The following NCK1 variants were observed in gnomAD, a reference collection of about 807,000 sequenced individuals.
NCK1 encodes the protein SH2/SH3 adapter protein NCK1.
A neutral mutation model predicts 36.6 loss-of-function variants in NCK1; 19 were observed. The ratio of observed to expected loss-of-function variants is 0.52; its 90% CI spans 0.36 to 0.76. The LOEUF (loss-of-function observed/expected upper bound fraction) is 0.76. Among genes scored for constraint, NCK1 ranks in the 30% least tolerant of loss-of-function variants. NCK1 has a pLI of 0.00. For synonymous variants in NCK1, 165 were observed against 156.0 expected, an observed-to-expected ratio of 1.06 and a Z score of -0.43; for missense variants, 358 against 445.6, an observed-to-expected ratio of 0.80 and a Z score of 1.77.
intron 2 of NCK1, among the ~76,000 whole-genome samples, chr3:136,932,486 A>T (rs1169823217): frequency 1.3e-5 from 2 of 152,246 alleles, no homozygotes; most frequent in African/African-American, 4.8e-5. Flanking sequence ...ACAATAAAAA[A>T]TAATTTATTT....
intron 2 of NCK1, among the ~76,000 whole-genome samples, chr3:136,935,014 G>A (rs1347759239): frequency 6.6e-6 from 1 of 152,034 alleles, no homozygotes. Flanking sequence ...TGATTCTCAT[G>A]CCACAGCCAC....
chr3:136,944,408 G>A (rs771965220), intron 2 of NCK1, among the ~76,000 whole-genome samples: 3 of 152,102 alleles, frequency 2.0e-5, no homozygotes, highest in Non-Finnish European at 2.9e-5. Flanking sequence ...ATGAGCCACC[G>A]TGCCCAGCCG....
intron 1 of NCK1, chr3:136,889,247 A>C (rs543568416): frequency 4.6e-5 from 8 of 175,432 alleles, no homozygotes; most frequent in African/African-American, 1.9e-4. Flanking sequence ...CTGTGTCTGG[A>C]ATTGGTGGGT....
chr3:136,939,839 C>CTTTT (rs397991172), intron 2 of NCK1, among the ~76,000 whole-genome samples: 12 of 66,920 alleles, frequency 1.8e-4, no homozygotes, highest in Admixed American at 6.8e-4. Flanking sequence ...TTATTGAGGC[C>CTTTT]TTTTTTTTTT....
intron 1 of NCK1, chr3:136,899,896 G>T: frequency 4.8e-6 from 5 of 1,032,200 alleles, no homozygotes; most frequent in South Asian, 1.3e-5. Flanking sequence ...TTCTCTTCTA[G>T]TGGGATTTCT....
chr3:136,914,682 C>G (rs1351564618), intron 1 of NCK1, among the ~76,000 whole-genome samples: 3 of 152,116 alleles, frequency 2.0e-5, no homozygotes, highest in Non-Finnish European at 4.4e-5. Context: ...TTTTTGCGCC[C>G]TAATGTGACA....
intron 1 of NCK1, among the ~76,000 whole-genome samples, chr3:136,923,325 GC>G (rs1320939960): frequency 3.3e-5 from 5 of 152,128 alleles, no homozygotes; most frequent in African/African-American, 1.2e-4. Context: ...GGAGGCCGAG[GC>G]AGGCGGATCA....
intron 2 of NCK1, among the ~76,000 whole-genome samples, chr3:136,941,787 C>T (rs571543881): frequency 1.6e-3 from 237 of 151,508 alleles, no homozygotes; most frequent in Non-Finnish European, 2.8e-3. Context: ...TTTATTTCTT[C>T]ATATGACTTC....
intron 1 of NCK1, among the ~76,000 whole-genome samples, chr3:136,888,094 G>C (rs1389565009): frequency 1.3e-5 from 2 of 151,930 alleles, no homozygotes; most frequent in Non-Finnish European, 2.9e-5. Flanking sequence ...ACAGGCGTCT[G>C]CCAGCACGCC....
At chr3:136,868,113 A>T (rs995852779) in intron 1 of NCK1, among the ~76,000 whole-genome samples, 26 of 151,818 alleles carry the variant, frequency 1.7e-4, no homozygotes, top group Non-Finnish European at 2.8e-4. Flanking sequence ...GATGGGTTTC[A>T]CCATGTTGGC....
intron 1 of NCK1, among the ~76,000 whole-genome samples, chr3:136,916,916 C>T (rs1434944331): frequency 6.6e-6 from 1 of 152,050 alleles, no homozygotes; most frequent in Non-Finnish European, 1.5e-5. Context: ...GTGGCTACAA[C>T]CCAAGTGTGT....
At chr3:136,936,004 A>G (rs184547331) in intron 2 of NCK1, among the ~76,000 whole-genome samples, 1 of 151,016 alleles carries the variant, frequency 6.6e-6, no homozygotes, top group East Asian at 1.9e-4. Context: ...GTTGTAGCAT[A>G]TATCAGTAAT....
intron 2 of NCK1, among the ~76,000 whole-genome samples, chr3:136,943,489 T>G (rs1179036669): frequency 1.3e-5 from 2 of 152,240 alleles, no homozygotes; most frequent in East Asian, 3.8e-4. Context: ...CAAAGAGATC[T>G]GGGAACCTTC....
chr3:136,951,107 G>T lies in NCK1; in HGVS notation c.*2654G>T, dbSNP rs1161338345. 6.6e-6 allele frequency among the ~76,000 whole-genome samples: 1 copy of T among 152,130 alleles called. No homozygotes were observed. The highest frequency in any genetic ancestry group is 1.5e-5 in the Non-Finnish European group (1 of 68,012). On this transcript the variant is annotated 3_prime_UTR_variant, in exon 4 of 4. Coordinates refer to ENST00000481752, the MANE Select transcript of NCK1 (RefSeq NM_001291999.2). ...TTGCCATTGCTAGAAGAATAAATAG[G>T]CCTAGCAGATGGGCAACTTGGGTTG...
chr3:136,880,143 G>C (rs1235426487), intron 1 of NCK1, among the ~76,000 whole-genome samples: 3 of 152,042 alleles, frequency 2.0e-5, no homozygotes, highest in African/African-American at 7.2e-5. Flanking sequence ...AAATTAGCCG[G>C]GTGTGGTGGT....
chr3:136,891,759 T>C (rs1939252192), intron 1 of NCK1, among the ~76,000 whole-genome samples: 1 of 152,146 alleles, frequency 6.6e-6, no homozygotes, highest in African/African-American at 2.4e-5. Flanking sequence ...GAGGTGGTAT[T>C]ATTGTGGTTT....
At chr3:136,926,564 C>T (rs923720510) in intron 1 of NCK1, among the ~76,000 whole-genome samples, 1 of 152,080 alleles carries the variant, frequency 6.6e-6, no homozygotes, top group African/African-American at 2.4e-5. Context: ...CATGAGCCAC[C>T]GCGCCCGGCC....
intron 1 of NCK1, among the ~76,000 whole-genome samples, chr3:136,892,620 G>A (rs1286762265): frequency 6.6e-6 from 1 of 152,180 alleles, no homozygotes; most frequent in African/African-American, 2.4e-5. Context: ...TTGTAGCTTT[G>A]TAATCTACTC....
At chr3:136,863,961 C>T (rs898088472) in intron 1 of NCK1, among the ~76,000 whole-genome samples, 111 of 151,362 alleles carry the variant, frequency 7.3e-4, no homozygotes, top group Admixed American at 7.2e-4. Context: ...AGTAGCCGGG[C>T]GTGGTGGCGG....
Sources: gnomAD v4.1 joint callset for allele counts (sites outside exome capture counted in the v4.1 genomes callset) on GRCh38, gnomAD v4.1.1 for gene constraint, MANE v1.5 for transcripts, NCBI Gene and HGNC (gene_info 2026-07-23, HGNC 2026-07-21) for gene names.